TTC7B: variants seen among roughly 807,000 people sequenced by gnomAD.
The protein encoded by TTC7B is tetratricopeptide repeat domain 7B.
A neutral mutation model predicts 106.8 loss-of-function variants in TTC7B; 28 were observed. That is an observed-to-expected ratio of 0.26 (90% CI 0.19 to 0.36). The LOEUF (loss-of-function observed/expected upper bound fraction) is 0.36, where lower values mean the gene tolerates loss of function less well. TTC7B is among the 10% of genes least tolerant of loss of function. TTC7B has a pLI of 1.00. For missense variants in TTC7B, 862 were observed against 1,076.4 expected (o/e 0.80, Z 2.79); for synonymous variants, 405 against 430.6 (o/e 0.94, Z 0.74).
At chr14:90,623,328 T>C (rs1270050581) in intron 15 of TTC7B, among the ~76,000 whole-genome samples, 2 of 152,160 alleles carry the variant, frequency 1.3e-5, no homozygotes, top group African/African-American at 4.8e-5. Flanking sequence ...GTTAAGTAAT[T>C]TGCCCAAATT....
chr14:90,740,584 G>A (rs1324987157), intron 4 of TTC7B, among the ~76,000 whole-genome samples: 4 of 128,864 alleles, frequency 3.1e-5, no homozygotes, highest in Non-Finnish European at 6.2e-5. Context: ...TCACTGCAAC[G>A]TCCACCTCCC....
At chr14:90,612,320 GC>G (rs765503507) in intron 16 of TTC7B, among the ~76,000 whole-genome samples, 26 of 152,138 alleles carry the variant, frequency 1.7e-4, no homozygotes, top group Non-Finnish European at 3.5e-4. Context: ...AATATTTCTG[GC>G]GCAGGTCTGT....
At chr14:90,646,899 T>C in intron 14 of TTC7B, 52 bp downstream of exon 14, 12 of 1,460,290 alleles carry the variant, frequency 8.2e-6, no homozygotes, top group East Asian at 4.5e-5. Context: ...GCTGAAGGAG[T>C]TGTATCAAGA....
At chr14:90,541,614 G>C in intron 19 of TTC7B, 25 bp from the exon 20 acceptor site, 1 of 1,489,908 alleles carries the variant, frequency 6.7e-7, no homozygotes, top group Non-Finnish European at 9.1e-7. Context: ...GAGAGAGAGA[G>C]ACAGTCAGCC....
At chr14:90,680,602 G>T in intron 7 of TTC7B, 67 bp from the exon 8 acceptor site, 2 of 1,193,078 alleles carry the variant, frequency 1.7e-6, no homozygotes, top group South Asian at 1.3e-5. Context: ...AAGCAGAACT[G>T]AACACTAAAA....
Position 90,674,735 on chromosome 14 carries a change from A to T in TTC7B, c.1152+1788T>A, listed in dbSNP as rs1886759868. Among the ~76,000 whole-genome samples, 4 of 152,268 alleles carry T rather than the reference A, an allele frequency of 2.6e-5. No individual in the cohort carries two copies. In the South Asian group the frequency reaches 8.3e-4, roughly 31 times the overall value. ...TTGAGATTTTTAGAAGATAAAACAC[A>T]GATATGGTATAAAATTCAAAAGGCT... is the stretch of plus-strand genomic sequence containing the variant. On this transcript the variant is annotated intron_variant, in intron 9 of 19. Coordinates refer to ENST00000328459, the MANE Select transcript of TTC7B (RefSeq NM_001010854.2).
At chr14:90,606,242 G>T (rs1422254201) in intron 17 of TTC7B, among the ~76,000 whole-genome samples, 1 of 152,120 alleles carries the variant, frequency 6.6e-6, no homozygotes, top group Non-Finnish European at 1.5e-5. Flanking sequence ...TATGACAAGG[G>T]GGTGCTAAGC....
chr14:90,560,816 G>A (rs138766758), intron 19 of TTC7B, among the ~76,000 whole-genome samples: 66 of 152,332 alleles, frequency 4.3e-4, no homozygotes, highest in Non-Finnish European at 7.2e-4. Flanking sequence ...GGCTGCTGGC[G>A]GCAAGGAAGG....
At chr14:90,586,775 T>C (rs151324677) in intron 18 of TTC7B, among the ~76,000 whole-genome samples, 253 of 152,288 alleles carry the variant, frequency 1.7e-3, no homozygotes, top group Middle Eastern at 3.4e-3. Flanking sequence ...CTGACTTCCT[T>C]GTCCTCAGGC....
Position 90,535,214 on chromosome 14 carries a change from A to T in TTC7B, c.*6154T>A, listed in dbSNP as rs1889389359. On this transcript the variant is annotated 3_prime_UTR_variant, in exon 20 of 20. Transcript: ENST00000328459. The stretch of plus-strand genomic sequence containing the variant: ...CCATGGATCCCAAATGGGGCTGGGG[A>T]TGGGAAGTGGCCTGCCCCGGCCACA... 6.6e-6 allele frequency: 1 copy of T among 152,532 alleles called. No homozygotes were observed. The highest frequency in any genetic ancestry group is 6.5e-5 in the Admixed American group (1 of 15,280). 9.4% of individuals were successfully genotyped at this position (152,532 alleles called of 1,614,324 possible).
At chr14:90,782,588 G>T (rs1891255910) in intron 2 of TTC7B, among the ~76,000 whole-genome samples, 1 of 152,136 alleles carries the variant, frequency 6.6e-6, no homozygotes, top group African/African-American at 2.4e-5. Flanking sequence ...GACAGAGCGA[G>T]ACTCTGTCTC....
At position 90,680,362 on chromosome 14, in the gene TTC7B, G is replaced by A. The variant is rs114328077; in HGVS notation, c.1014+110C>T. 1.9e-3 allele frequency: 1,526 copies of A among 811,482 alleles called. 12 individuals carry two copies. The African/African-American group carries it at 0.023, about 12-fold the overall frequency. 50.3% of individuals were successfully genotyped at this position (811,482 alleles called of 1,614,324 possible). ...TTTTCCCATCCAGGTATACCCTCTA[G>A]AAAGTATTTTCTCTTAAGAAAAAGA... On this transcript the variant is annotated intron_variant, in intron 8 of 19. Transcript: ENST00000328459.
At chr14:90,688,595 C>T (rs1322765594) in intron 7 of TTC7B, among the ~76,000 whole-genome samples, 36 of 139,860 alleles carry the variant, frequency 2.6e-4, no homozygotes, top group African/African-American at 9.9e-4. Flanking sequence ...TGCACTCCAG[C>T]CTGGTGACAG....
intron 14 of TTC7B, among the ~76,000 whole-genome samples, chr14:90,644,429 C>T (rs1298469181): frequency 6.6e-6 from 1 of 152,196 alleles, no homozygotes; most frequent in East Asian, 1.9e-4. Flanking sequence ...CTTCAAAAGA[C>T]ATTCTGACTG....
chr14:90,727,797 T>C (rs1889165846), intron 5 of TTC7B, among the ~76,000 whole-genome samples: 1 of 152,228 alleles, frequency 6.6e-6, no homozygotes, highest in South Asian at 2.1e-4. Flanking sequence ...AATCAGTCAA[T>C]CCTGTCCATT....
intron 15 of TTC7B, among the ~76,000 whole-genome samples, 196 bp downstream of exon 15, chr14:90,643,852 G>C (rs8014329): frequency 0.47 from 71,505 of 151,944 alleles, 17,077 homozygotes; most frequent in East Asian, 0.64. Context: ...CAAAGTGCTG[G>C]GATTATAGAT....
At chr14:90,775,782 G>A (rs1007784313) in intron 3 of TTC7B, among the ~76,000 whole-genome samples, 1 of 152,138 alleles carries the variant, frequency 6.6e-6, no homozygotes, top group African/African-American at 2.4e-5. Flanking sequence ...TGACTGTGCT[G>A]GTGGGAGATG....
chr14:90,608,314 T>C lies in TTC7B; in HGVS notation c.1966+2428A>G, dbSNP rs546594765. The stretch of plus-strand genomic sequence containing the variant: ...TAAGGCCTCCTAAAATGGCCTTCCA[T>C]TTTTCTGATTCCCTGGTCTCTTGGT... On this transcript the variant is annotated intron_variant, in intron 17 of 19. Transcript: ENST00000328459. This position sits in a 1 kb window ranked among gnomAD's most constrained non-coding sequence, Gnocchi z 5.1. Among the ~76,000 whole-genome samples, 1 of 152,314 alleles carries C rather than the reference T, an allele frequency of 6.6e-6. No individual in the cohort carries two copies. Among genetic ancestry groups the C allele is most frequent in the African/African-American group, 2.4e-5 (1 of 41,562 alleles).
At chr14:90,795,746 G>A (rs1169145425) in intron 1 of TTC7B, among the ~76,000 whole-genome samples, 1 of 152,168 alleles carries the variant, frequency 6.6e-6, no homozygotes, top group Non-Finnish European at 1.5e-5. Flanking sequence ...TCCCAGAATA[G>A]TTATGTTGGA....
Sources: allele counts gnomAD v4.1 joint callset (sites outside exome capture counted in the v4.1 genomes callset), GRCh38; gene constraint gnomAD v4.1.1; non-coding constraint Gnocchi (gnomAD v3.1); transcripts MANE v1.5; gene names NCBI Gene and HGNC (gene_info 2026-07-23, HGNC 2026-07-21).